Variants in C10orf105 observed in about 807,000 individuals in gnomAD.
C10orf105 encodes the protein chromosome 10 open reading frame 105.
In C10orf105, 2 loss-of-function variants were observed where a neutral mutation model predicts 0.6. The ratio of observed to expected loss-of-function variants is 3.18; its 90% CI spans 1.30 to 10.01. The LOEUF (loss-of-function observed/expected upper bound fraction) is 10.01, where lower values mean the gene tolerates loss of function less well. Among genes scored for constraint, C10orf105 ranks in the 30% most tolerant of loss-of-function variants. C10orf105 has a pLI of 0.04. For synonymous variants in C10orf105, 95 were observed against 82.4 expected, an observed-to-expected ratio of 1.15 and a Z score of -0.83; for missense variants, 209 against 191.4, an observed-to-expected ratio of 1.09 and a Z score of -0.54.
chr10:71,732,667 T>C, intron 1 of C10orf105: 2 of 1,378,206 alleles, frequency 1.5e-6, no homozygotes, highest in Non-Finnish European at 1.9e-6. Context: ...CCGAGATCAA[T>C]ATCCCTGTAA....
chr10:71,735,178 A>AC (rs1219522279), intron 1 of C10orf105, among the ~76,000 whole-genome samples: 29 of 151,534 alleles, frequency 1.9e-4, no homozygotes, highest in Non-Finnish European at 4.4e-5. Flanking sequence ...CATAAAGGGG[A>AC]CCCCCTCCCT....
chr10:71,731,609 G>A (rs1397364876), intron 1 of C10orf105, among the ~76,000 whole-genome samples: 1 of 152,162 alleles, frequency 6.6e-6, no homozygotes. Flanking sequence ...TTGGCCATCT[G>A]TGAGGATGCG....
intron 1 of C10orf105, among the ~76,000 whole-genome samples, chr10:71,733,967 C>T (rs531100149): frequency 1.3e-5 from 2 of 152,294 alleles, no homozygotes; most frequent in East Asian, 1.9e-4. Context: ...CAAATCAGAG[C>T]GCCACAAGAA....
chr10:71,713,620 G>A lies in C10orf105; in HGVS notation c.*2316C>T, dbSNP rs1162340569. On this transcript the variant is annotated 3_prime_UTR_variant, in exon 2 of 2. Coordinates refer to ENST00000441508, the MANE Select transcript of C10orf105 (RefSeq NM_001164375.3). ...AGCCCAGAAAGCCCTGAGGATTTGC[G>A]AGAGTGTGGTGGCTAGCTCCAGAAG... The A allele has an allele frequency of 2.1e-5, 7 of 329,174 alleles. No homozygotes were observed. The highest frequency in any genetic ancestry group is 4.7e-5 in the Admixed American group (1 of 21,278). The allele number at this position is 329,174 out of a possible 1,614,324, so 20.4% of individuals were successfully genotyped here.
chr10:71,732,327 C>A, intron 1 of C10orf105: 1 of 1,592,976 alleles, frequency 6.3e-7, no homozygotes, highest in Non-Finnish European at 8.6e-7. Flanking sequence ...GCTTCAACGC[C>A]TACACCAGCA....
chr10:71,736,798 C>T (rs1839579670), intron 1 of C10orf105, among the ~76,000 whole-genome samples: 1 of 152,152 alleles, frequency 6.6e-6, no homozygotes, highest in African/African-American at 2.4e-5. Context: ...CCTAAGTGTA[C>T]GATACAGTGA....
intron 1 of C10orf105, 55 bp from the exon 2 acceptor site, chr10:71,716,397 C>T (rs1321095577): frequency 1.1e-5 from 16 of 1,407,162 alleles, no homozygotes; most frequent in Middle Eastern, 2.6e-4. Flanking sequence ...CCCAGGGCAG[C>T]GGGTATAGGG....
At chr10:71,723,482 G>A (rs868789038), upstream of C10orf105, among the ~76,000 whole-genome samples, 3 of 152,162 alleles carry the variant, frequency 2.0e-5, no homozygotes, top group African/African-American at 2.4e-5. Flanking sequence ...CAGCCAGGCC[G>A]ATCTGAAGCT....
At chr10:71,734,297 A>T in intron 1 of C10orf105, 1 of 1,612,524 alleles carries the variant, frequency 6.2e-7, no homozygotes, top group Non-Finnish European at 8.5e-7. Flanking sequence ...CTATACCTTG[A>T]CAGTGGTGGC....
chr10:71,734,558 C>T, intron 1 of C10orf105: 1 of 1,607,110 alleles, frequency 6.2e-7, no homozygotes, highest in Non-Finnish European at 8.5e-7. Context: ...CCTCCAGAGA[C>T]ACTGCCGGGA....
At position 71,716,083 on chromosome 10, in the gene C10orf105, G is replaced by A. The variant is rs1187479231; in HGVS notation, c.255C>T (p.Pro85=). The change falls in exon 2 of 2, where the codon CCC becomes CCT. Residue 85 remains proline, a synonymous_variant. Transcript: ENST00000441508. ...CCAGGCGCTTCCAGAGCCGGAGCTG[G>A]GGCTCACTGGGGCTCCCAGGGTGGT... is the stretch of plus-strand genomic sequence containing the variant. ...MPHHPGSPSE[P]QLRLWKRLGS... is the part of the protein sequence containing the mutation. 1 of 1,526,606 alleles carries A rather than the reference G, an allele frequency of 6.6e-7. No individual in the cohort carries two copies. The allele number at this position is 1,526,606 out of a possible 1,614,324, so 94.6% of individuals were successfully genotyped here.
At chr10:71,734,212 A>T in intron 1 of C10orf105, 1 of 1,562,886 alleles carries the variant, frequency 6.4e-7, no homozygotes, top group Non-Finnish European at 8.7e-7. Flanking sequence ...CGATGTTGTC[A>T]CTCACCCATC....
chr10:71,732,735 CCTT>C (rs1201055347), intron 1 of C10orf105: 3 of 1,154,042 alleles, frequency 2.6e-6, no homozygotes, highest in Non-Finnish European at 3.2e-6. Context: ...AGGCTGGTAT[CCTT>C]CTGTTTTTCC....
intron 1 of C10orf105, among the ~76,000 whole-genome samples, chr10:71,736,020 G>A (rs936542996): frequency 1.2e-4 from 18 of 152,362 alleles, no homozygotes; most frequent in African/African-American, 4.3e-4. Context: ...CCCTCACACA[G>A]CAGGTGTTGC....
chr10:71,726,877 C>G (rs1000686216), intron 1 of C10orf105, among the ~76,000 whole-genome samples: 1 of 152,222 alleles, frequency 6.6e-6, no homozygotes, highest in African/African-American at 2.4e-5. Flanking sequence ...CCATCAGTGC[C>G]TCAGCATTGT....
chr10:71,731,987 G>C (rs765965271), intron 1 of C10orf105: 4 of 1,613,206 alleles, frequency 2.5e-6, no homozygotes, highest in Non-Finnish European at 2.5e-6. Flanking sequence ...CCTCCTACAG[G>C]GGATGGTGGC....
intron 1 of C10orf105, chr10:71,732,002 T>C: frequency 6.2e-7 from 1 of 1,613,630 alleles, no homozygotes. Context: ...GGTGGCCTGG[T>C]GAACTACCGC....
intron 1 of C10orf105, among the ~76,000 whole-genome samples, chr10:71,727,124 C>T (rs993494646): frequency 6.6e-6 from 1 of 152,218 alleles, no homozygotes; most frequent in African/African-American, 2.4e-5. Context: ...CTTTAACCTC[C>T]GTAACCCTCA....
At chr10:71,730,725 A>C in intron 1 of C10orf105, 1 of 1,401,306 alleles carries the variant, frequency 7.1e-7, no homozygotes, top group African/African-American at 1.4e-5. Flanking sequence ...AGCCATGTCT[A>C]GGCCAGGGAG....
Sources: gnomAD v4.1 joint callset for allele counts (sites outside exome capture counted in the v4.1 genomes callset) on GRCh38, gnomAD v4.1.1 for gene constraint, MANE v1.5 for transcripts, NCBI Gene and HGNC (gene_info 2026-07-23, HGNC 2026-07-21) for gene names.